Variants in PCDHGA4 observed in about 807,000 individuals in gnomAD.
PCDHGA4 encodes the protein protocadherin gamma subfamily A, 4, also known as protocadherin gamma-A4.
PCDHGA4 carries 38 observed loss-of-function variants against 54.6 expected under a neutral mutation model. The ratio of observed to expected loss-of-function variants is 0.70; its 90% CI spans 0.54 to 0.91. PCDHGA4 has a LOEUF of 0.91. PCDHGA4 is among the 40% of genes least tolerant of loss of function. PCDHGA4 has a pLI of 0.00. For missense variants in PCDHGA4, 1,298 were observed against 1,220.9 expected (o/e 1.06, Z -0.94); for synonymous variants, 511 against 512.9 (o/e 1.00, Z 0.05).
chr5:141,393,622 A>C (rs776047060), intron 1 of PCDHGA4: 1 of 1,613,960 alleles, frequency 6.2e-7, no homozygotes, highest in Admixed American at 1.7e-5. Context: ...AGCGACCCGG[A>C]TGAGGGAATC....
intron 1 of PCDHGA4, chr5:141,471,533 G>C (rs921328911): frequency 1.3e-5 from 2 of 152,234 alleles, no homozygotes. Context: ...AGGAAGCTAT[G>C]ATAGCATTTA....
At chr5:141,389,822 C>A in intron 1 of PCDHGA4, 3 of 1,613,932 alleles carry the variant, frequency 1.9e-6, no homozygotes, top group Middle Eastern at 1.6e-4. Context: ...CCGTGCGTGA[C>A]GGTGGACAGC....
At chr5:141,507,611 A>G (rs2099862056) in intron 3 of PCDHGA4, among the ~76,000 whole-genome samples, 1 of 152,258 alleles carries the variant, frequency 6.6e-6, no homozygotes, top group South Asian at 2.1e-4. Flanking sequence ...AAACAGGTAT[A>G]TTTAGCTGTT....
rs2099613082 is a variant in PCDHGA4, at chr5:141,485,421, C to T, written c.2515-9386C>T. ...TTCCGTGTGGATTTGGACAGCGGAG[C>T]CCTGCTCATCAAGAACCCAATCGAC... On this transcript the variant is annotated intron_variant, in intron 1 of 3. Coordinates refer to ENST00000571252, the MANE Select transcript of PCDHGA4 (RefSeq NM_018917.4). The surrounding 1 kb of genome is among the most constrained non-coding windows in gnomAD (Gnocchi z 5.7). The T allele has an allele frequency of 6.2e-7, 1 of 1,614,112 alleles. No individual in the cohort carries two copies. Among genetic ancestry groups the T allele is most frequent in the Non-Finnish European group, 8.5e-7 (1 of 1,180,010 alleles).
rs1267965791 is a variant in PCDHGA4, at chr5:141,431,329, G to C, written c.2515-63478G>C. 1 of 1,614,002 alleles carries C rather than the reference G, an allele frequency of 6.2e-7. No individual in the cohort carries two copies. Among genetic ancestry groups the C allele is most frequent in the East Asian group, 2.2e-5 (1 of 44,904 alleles). On this transcript the variant is annotated intron_variant, in intron 1 of 3. Coordinates refer to ENST00000571252, the MANE Select transcript of PCDHGA4 (RefSeq NM_018917.4). The surrounding 1 kb of genome is among the most constrained non-coding windows in gnomAD (Gnocchi z 4.8). ...TGCAAAATGGAGCCGACGGTAGTAA[G>C]TACCCCGAATTGGTGCTGAAACGCG...
Position 141,491,300 on chromosome 5 carries a change from G to T in PCDHGA4, c.2515-3507G>T. On this transcript the variant is annotated intron_variant, in intron 1 of 3. Coordinates refer to ENST00000571252, the MANE Select transcript of PCDHGA4 (RefSeq NM_018917.4). The surrounding 1 kb of genome is among the most constrained non-coding windows in gnomAD (Gnocchi z 6.9). Reference sequence around the variant, plus strand: ...GACTTCCTCATACACCCTCCTGAGCGTTCAGACCTTACCCTTTACCTCATT... The same window carrying T: ...GACTTCCTCATACACCCTCCTGAGCTTTCAGACCTTACCCTTTACCTCATT... The T allele has an allele frequency of 6.2e-7, 1 of 1,614,136 alleles. No homozygotes were observed. The highest frequency in any genetic ancestry group is 8.5e-7 in the Non-Finnish European group (1 of 1,179,962).
chr5:141,500,434 C>T (rs1216731905), intron 2 of PCDHGA4, among the ~76,000 whole-genome samples: 1 of 152,014 alleles, frequency 6.6e-6, no homozygotes, highest in Non-Finnish European at 1.5e-5. Flanking sequence ...TGGTCTCGAT[C>T]TCCTGACCTC....
At chr5:141,384,919 G>C in intron 1 of PCDHGA4, 1 of 1,613,976 alleles carries the variant, frequency 6.2e-7, no homozygotes, top group Non-Finnish European at 8.5e-7. Context: ...AGTCTTGGCC[G>C]ACCTGGGCAG....
chr5:141,378,683 C>G (rs559332008), intron 1 of PCDHGA4: 9 of 152,254 alleles, frequency 5.9e-5, no homozygotes, highest in Admixed American at 5.9e-4. Context: ...AATATTTTAG[C>G]ATTTTAACCC....
chr5:141,405,858 T>C (rs2094727577), intron 1 of PCDHGA4, among the ~76,000 whole-genome samples: 1 of 152,200 alleles, frequency 6.6e-6, no homozygotes, highest in Non-Finnish European at 1.5e-5. Flanking sequence ...GTGTTTCTCA[T>C]CACTTTTCAC....
intron 1 of PCDHGA4, among the ~76,000 whole-genome samples, chr5:141,455,803 A>G (rs1197986124): frequency 6.6e-6 from 1 of 152,068 alleles, no homozygotes; most frequent in Non-Finnish European, 1.5e-5. Context: ...TGCTTTAAAA[A>G]ATGAAAACTT....
intron 1 of PCDHGA4, chr5:141,427,474 A>G (rs373512099): frequency 3.7e-5 from 19 of 520,294 alleles, no homozygotes; most frequent in African/African-American, 1.5e-4. Context: ...TCTTCCGCCA[A>G]TAATGACTAT....
chr5:141,386,400 A>G (rs1180278109), intron 1 of PCDHGA4, among the ~76,000 whole-genome samples: 1 of 152,176 alleles, frequency 6.6e-6, no homozygotes, highest in Non-Finnish European at 1.5e-5. Flanking sequence ...ACTTTTAGCC[A>G]GGTATGGTGT....
chr5:141,431,984 G>A lies in PCDHGA4; in HGVS notation c.2515-62823G>A, dbSNP rs758365921. 2 of 1,614,220 alleles carry A rather than the reference G, an allele frequency of 1.2e-6. No individual in the cohort carries two copies. The highest frequency in any genetic ancestry group is 2.2e-5 in the South Asian group (2 of 91,086). On this transcript the variant is annotated intron_variant, in intron 1 of 3. Transcript: ENST00000571252. The surrounding 1 kb of genome is among the most constrained non-coding windows in gnomAD (Gnocchi z 4.8). ...TTACTATAGTTTAGTCACAGACATAGTCTTGGATAGGGAACAGGTTCCTAG... is the reference window on the plus strand; with the variant it reads ...TTACTATAGTTTAGTCACAGACATAATCTTGGATAGGGAACAGGTTCCTAG...
intron 1 of PCDHGA4, chr5:141,398,862 C>T (rs771326288): frequency 1.9e-5 from 31 of 1,613,848 alleles, no homozygotes; most frequent in Non-Finnish European, 2.6e-5. Flanking sequence ...TCAACCGAGA[C>T]GTGTACAGAG....
intron 2 of PCDHGA4, 50 bp from the exon 3 acceptor site, chr5:141,505,343 G>A: frequency 1.9e-6 from 3 of 1,612,934 alleles, no homozygotes; most frequent in Non-Finnish European, 2.5e-6. Flanking sequence ...GGAGGGGCAT[G>A]AGCTGTGCCG....
At chr5:141,505,202 T>C (rs778935321) in intron 2 of PCDHGA4, among the ~76,000 whole-genome samples, 191 bp from the exon 3 acceptor site, 3 of 152,012 alleles carry the variant, frequency 2.0e-5, no homozygotes, top group Non-Finnish European at 4.4e-5. Flanking sequence ...AAAGAGCTGG[T>C]TTGAGGGACT....
chr5:141,477,808 C>T lies in PCDHGA4; in HGVS notation c.2515-16999C>T, dbSNP rs750186099. 2.5e-6 allele frequency: 4 copies of T among 1,613,994 alleles called. No individual in the cohort carries two copies. In the African/African-American group the frequency reaches 4.0e-5, roughly 16 times the overall value. On this transcript the variant is annotated intron_variant, in intron 1 of 3. Coordinates refer to ENST00000571252, the MANE Select transcript of PCDHGA4 (RefSeq NM_018917.4). The surrounding 1 kb of genome is among the most constrained non-coding windows in gnomAD (Gnocchi z 4.9). ...TTGTCACTGATCGCAATGACAATGC[C>T]CCCCAGGTCCTATATCCTCGGCCAG...
chr5:141,403,627 A>G lies in PCDHGA4; in HGVS notation c.2514+46006A>G, dbSNP rs1187522360. ...GCGGCGAGCCGCGTCGCTCCAGCAC[A>G]GTGCGCATCCATGTGACAGTGTTGG... On this transcript the variant is annotated intron_variant, in intron 1 of 3. Coordinates refer to ENST00000571252, the MANE Select transcript of PCDHGA4 (RefSeq NM_018917.4). 4 of 1,613,922 alleles carry G rather than the reference A, an allele frequency of 2.5e-6. No individual in the cohort carries two copies. The East Asian group carries it at 8.9e-5, about 36-fold the overall frequency.
Sources: allele counts gnomAD v4.1 joint callset (sites outside exome capture counted in the v4.1 genomes callset), GRCh38; gene constraint gnomAD v4.1.1; non-coding constraint Gnocchi (gnomAD v3.1); transcripts MANE v1.5; gene names NCBI Gene and HGNC (gene_info 2026-07-23, HGNC 2026-07-21).